SDK1: variants seen among roughly 807,000 people sequenced by gnomAD.
SDK1 encodes the protein protein sidekick-1.
In SDK1, 157 loss-of-function variants were observed where a neutral mutation model predicts 245.5. The ratio of observed to expected loss-of-function variants is 0.64; its 90% confidence interval spans 0.56 to 0.73. SDK1 has a LOEUF of 0.73. Among genes scored for constraint, SDK1 ranks in the 30% least tolerant of loss-of-function variants. The pLI, the probability that SDK1 is intolerant of heterozygous loss-of-function variation, is 0.00. For missense variants in SDK1, 3,583 were observed against 3,002.3 expected, an observed-to-expected ratio of 1.19 and a Z score of -4.52; for synonymous variants, 1,647 against 1,278.5, an observed-to-expected ratio of 1.29 and a Z score of -6.15.
chr7:3,407,338 G>A (rs956648133), intron 1 of SDK1, among the ~76,000 whole-genome samples: 1 of 152,152 alleles, frequency 6.6e-6, no homozygotes, highest in Admixed American at 6.5e-5. Flanking sequence ...CTTTCACAAG[G>A]TCTCTTGCAT....
In SDK1 at chr7:4,158,503, G is replaced by T. The variant is rs543169441; in HGVS notation, c.4681G>T (p.Asp1561Tyr). 1.2e-6 allele frequency: 2 copies of T among 1,613,894 alleles called. No homozygotes were observed. The highest frequency in any genetic ancestry group is 1.7e-5 in the Admixed American group (1 of 60,030). Residue 1561 changes from aspartate to tyrosine, a missense_variant, in exon 31 of 45, where the codon GAC becomes TAC. Physicochemically the swap from Asp to Tyr is radical, Grantham distance 160. Transcript: ENST00000404826. ...LRLKATNDIGDSDFSSETEAV... is the reference protein window; with the variant it reads ...LRLKATNDIGYSDFSSETEAV... ...CCTGAAAGCCACCAACGACATTGGG[G>T]ACAGTGACTTCAGTTCAGAGACAGA... is the stretch of plus-strand genomic sequence containing the variant.
At chr7:3,657,774 C>A (rs1309426417) in intron 4 of SDK1, among the ~76,000 whole-genome samples, 1 of 152,148 alleles carries the variant, frequency 6.6e-6, no homozygotes, top group African/African-American at 2.4e-5. Context: ...TGCGAGACTA[C>A]TCTAAATCTT....
rs768935778 is a variant in SDK1, at chr7:3,969,328, A to T, written c.1618A>T (p.Ile540Phe). 1.9e-6 allele frequency: 3 copies of T among 1,611,050 alleles called. No homozygotes were observed. The highest frequency in any genetic ancestry group is 2.7e-5 in the African/African-American group (2 of 74,890). ...FMLLESGGLQIAPVFIQDAGN... is the reference protein window; with the variant it reads ...FMLLESGGLQFAPVFIQDAGN... The stretch of plus-strand genomic sequence containing the variant: ...GCTTCTTGAATCGGGGGGTCTACAG[A>T]TCGCGCCCGTCTTCATCCAGGATGC... The change falls in exon 11 of 45, where the codon ATC becomes TTC. Residue 540 changes from isoleucine (I) to phenylalanine (F), a missense_variant. By Grantham distance (21) the Ile-to-Phe change is conservative. Transcript: ENST00000404826.
rs1429356048 is a variant in SDK1 at position 3,597,486 on chromosome 7, G to A, written c.299-21594G>A. On this transcript the variant is annotated intron_variant, in intron 1 of 44. Transcript: ENST00000404826. ...TAGAAACAGGACACAGAACACCGGCGGCGGGGAGGCCACCTGTTGGTTACT... is the reference window on the plus strand; with the variant it reads ...TAGAAACAGGACACAGAACACCGGCAGCGGGGAGGCCACCTGTTGGTTACT... 2.6e-5 allele frequency among the ~76,000 whole-genome samples: 4 copies of A among 152,222 alleles called. No individual in the cohort carries two copies. In the East Asian group the frequency reaches 7.7e-4, roughly 29 times the overall value.
At chr7:3,437,862 T>C (rs1237002374) in intron 1 of SDK1, among the ~76,000 whole-genome samples, 1 of 152,238 alleles carries the variant, frequency 6.6e-6, no homozygotes, top group East Asian at 1.9e-4. Flanking sequence ...TTTGTAGTAC[T>C]GAAACCAAGT....
At chr7:3,424,167 C>T (rs1031658219) in intron 1 of SDK1, among the ~76,000 whole-genome samples, 2 of 152,166 alleles carry the variant, frequency 1.3e-5, no homozygotes, top group African/African-American at 4.8e-5. Context: ...CTGCCTTGGC[C>T]TGCCTAAGTG....
At chr7:3,475,532 C>T (rs1012096289) in intron 1 of SDK1, among the ~76,000 whole-genome samples, 7 of 152,176 alleles carry the variant, frequency 4.6e-5, no homozygotes, top group African/African-American at 1.7e-4. Flanking sequence ...TTTCTTTTTC[C>T]TCTAACGTCT....
intron 4 of SDK1, among the ~76,000 whole-genome samples, chr7:3,755,413 G>A (rs1293179212): frequency 1.3e-5 from 2 of 152,184 alleles, no homozygotes; most frequent in African/African-American, 4.8e-5. Flanking sequence ...GACATACACG[G>A]TCTGGCCATT....
chr7:3,868,411 A>G (rs1780873367), intron 5 of SDK1, among the ~76,000 whole-genome samples: 1 of 152,192 alleles, frequency 6.6e-6, no homozygotes, highest in Non-Finnish European at 1.5e-5. Context: ...TACTTTATTA[A>G]AGAAGGAATA....
At chr7:4,195,364 C>G (rs1450648614) in intron 35 of SDK1, among the ~76,000 whole-genome samples, 2 of 151,694 alleles carry the variant, frequency 1.3e-5, no homozygotes, top group South Asian at 2.1e-4. Flanking sequence ...TGCCTGGTTT[C>G]CAGAACACTC....
intron 4 of SDK1, among the ~76,000 whole-genome samples, chr7:3,774,263 T>TCA (rs1331922823): frequency 6.7e-6 from 1 of 150,236 alleles, no homozygotes; most frequent in East Asian, 1.9e-4. Flanking sequence ...CTCATGGAAG[T>TCA]CACTTTAGGT....
chr7:4,086,468 T>G (rs562202800), intron 22 of SDK1, among the ~76,000 whole-genome samples: 1 of 152,240 alleles, frequency 6.6e-6, no homozygotes, highest in South Asian at 2.1e-4. Flanking sequence ...ATTCAGTCCT[T>G]GCAGTTGTAG....
chr7:3,868,665 G>A (rs1275371735), intron 5 of SDK1, among the ~76,000 whole-genome samples: 3 of 152,130 alleles, frequency 2.0e-5, no homozygotes, highest in African/African-American at 7.2e-5. Context: ...ATAAAGTCTA[G>A]ACTTGCATCC....
intron 4 of SDK1, among the ~76,000 whole-genome samples, chr7:3,675,385 G>A (rs1042448689): frequency 6.6e-6 from 1 of 152,174 alleles, no homozygotes; most frequent in African/African-American, 2.4e-5. Flanking sequence ...TTGCTTGCTT[G>A]TATTCAACAC....
At chr7:4,128,621 C>A (rs1784547235) in intron 26 of SDK1, among the ~76,000 whole-genome samples, 1 of 135,320 alleles carries the variant, frequency 7.4e-6, no homozygotes, top group African/African-American at 2.8e-5. Flanking sequence ...TGGAGGAGAG[C>A]AGCTTGGGGT....
chr7:3,472,911 C>T (rs970664803), intron 1 of SDK1, among the ~76,000 whole-genome samples: 5 of 152,124 alleles, frequency 3.3e-5, no homozygotes, highest in Non-Finnish European at 7.4e-5. Context: ...GGAGGTAAAG[C>T]TAGTAAGCAC....
At chr7:3,378,938 C>T (rs915503097) in intron 1 of SDK1, among the ~76,000 whole-genome samples, 7 of 152,182 alleles carry the variant, frequency 4.6e-5, no homozygotes, top group East Asian at 3.9e-4. Flanking sequence ...ACCCCTTCCC[C>T]GGAGCAGACC....
At chr7:3,803,198 A>G (rs1032064296) in intron 4 of SDK1, among the ~76,000 whole-genome samples, 2 of 152,136 alleles carry the variant, frequency 1.3e-5, no homozygotes, top group Non-Finnish European at 2.9e-5. Context: ...CCTAATGGCT[A>G]GTGATGCTCA....
At chr7:3,501,027 T>C (rs1366950930) in intron 1 of SDK1, among the ~76,000 whole-genome samples, 1 of 152,192 alleles carries the variant, frequency 6.6e-6, no homozygotes, top group Non-Finnish European at 1.5e-5. Context: ...TCTTTATTAC[T>C]GTTTTGATTT....
Sources: gnomAD v4.1 joint callset for allele counts (sites outside exome capture counted in the v4.1 genomes callset) on GRCh38, gnomAD v4.1.1 for gene constraint, MANE v1.5 for transcripts, NCBI Gene and HGNC (gene_info 2026-07-23, HGNC 2026-07-21) for gene names.